MAML2: variants seen among roughly 807,000 people sequenced by gnomAD.
The protein encoded by MAML2 is mastermind-like protein 2.
MAML2 carries 22 observed loss-of-function variants against 96.1 expected under a neutral mutation model. The observed-to-expected ratio is 0.23, with a 90% CI of 0.16 to 0.33. The LOEUF is 0.33. MAML2 is among the 10% of genes least tolerant of loss of function. The pLI is 1.00. For synonymous variants in MAML2, 561 were observed against 521.3 expected (o/e 1.08, Z -1.04); for missense variants, 1,367 against 1,392.4 (o/e 0.98, Z 0.29).
intron 1 of MAML2, among the ~76,000 whole-genome samples, chr11:96,110,567 C>A (rs929598636): frequency 6.6e-5 from 10 of 152,320 alleles, no homozygotes; most frequent in African/African-American, 2.4e-4. Context: ...CCGTATGCAT[C>A]TGAAGCAGAA....
intron 1 of MAML2, among the ~76,000 whole-genome samples, chr11:96,254,488 T>C (rs1381219835): frequency 6.6e-6 from 1 of 151,956 alleles, no homozygotes; most frequent in Non-Finnish European, 1.5e-5. Flanking sequence ...GGATCTTTTT[T>C]ACCTATTCTT....
At chr11:96,154,064 A>T (rs1263212425) in intron 1 of MAML2, among the ~76,000 whole-genome samples, 1 of 152,188 alleles carries the variant, frequency 6.6e-6, no homozygotes, top group African/African-American at 2.4e-5. Context: ...TCTCACTATG[A>T]TTTTCTTTGA....
chr11:96,160,674 T>C (rs1187917292), intron 1 of MAML2, among the ~76,000 whole-genome samples: 2 of 152,166 alleles, frequency 1.3e-5, no homozygotes, highest in African/African-American at 4.8e-5. Flanking sequence ...GTGATCCGCC[T>C]GCCTCTGCTT....
chr11:96,034,245 A>C (rs1858663756), intron 2 of MAML2, among the ~76,000 whole-genome samples: 1 of 152,220 alleles, frequency 6.6e-6, no homozygotes, highest in South Asian at 2.1e-4. Context: ...AAAGATATAT[A>C]ATAACATAAT....
intron 1 of MAML2, among the ~76,000 whole-genome samples, chr11:96,169,872 C>T (rs1458949489): frequency 6.6e-6 from 1 of 152,208 alleles, no homozygotes; most frequent in Non-Finnish European, 1.5e-5. Flanking sequence ...CCAGGTTGGT[C>T]TCAATCTTTT....
intron 1 of MAML2, among the ~76,000 whole-genome samples, chr11:96,104,337 T>A (rs1466049925): frequency 6.6e-6 from 1 of 152,236 alleles, no homozygotes; most frequent in Non-Finnish European, 1.5e-5. Flanking sequence ...GATGCCGAAG[T>A]ACTTTCCGAT....
intron 1 of MAML2, among the ~76,000 whole-genome samples, chr11:96,163,956 G>A (rs374892604): frequency 8.7e-5 from 13 of 150,236 alleles, no homozygotes; most frequent in African/African-American, 3.2e-4. Flanking sequence ...TCTGCCTCCC[G>A]GGTTCAAGCG....
At chr11:96,259,878 G>A (rs1862723921) in intron 1 of MAML2, among the ~76,000 whole-genome samples, 1 of 151,182 alleles carries the variant, frequency 6.6e-6, no homozygotes, top group Non-Finnish European at 1.5e-5. Context: ...ATCTTTTTAT[G>A]GTTCAGTATA....
chr11:96,284,788 T>C (rs1365106242), intron 1 of MAML2, among the ~76,000 whole-genome samples: 3 of 152,236 alleles, frequency 2.0e-5, no homozygotes, highest in African/African-American at 7.2e-5. Flanking sequence ...TCTCCATAAA[T>C]ATTCCTCTCC....
At chr11:96,102,658 T>C (rs1371740039) in intron 1 of MAML2, among the ~76,000 whole-genome samples, 1 of 152,214 alleles carries the variant, frequency 6.6e-6, no homozygotes, top group Non-Finnish European at 1.5e-5. Context: ...GTCTACTACA[T>C]TAAACAATAT....
chr11:96,078,167 C>A (rs1453061218), intron 2 of MAML2, among the ~76,000 whole-genome samples: 1 of 152,214 alleles, frequency 6.6e-6, no homozygotes, highest in African/African-American at 2.4e-5. Context: ...TTACATTTCT[C>A]TCTTGTCCTG....
intron 3 of MAML2, among the ~76,000 whole-genome samples, chr11:95,986,199 TTTTGTTTGTTTG>T (rs368526623): frequency 6.6e-6 from 1 of 151,994 alleles, no homozygotes; most frequent in Non-Finnish European, 1.5e-5. Flanking sequence ...TCTTATTTGT[TTTTGTTTGTTTG>T]TTTGTTTGTT....
chr11:96,001,638 C>T (rs1446520499), intron 2 of MAML2, among the ~76,000 whole-genome samples: 1 of 152,060 alleles, frequency 6.6e-6, no homozygotes, highest in South Asian at 2.1e-4. Flanking sequence ...ACTCAACCCC[C>T]CCTCACTCCC....
At chr11:96,254,454 C>T (rs1862633674) in intron 1 of MAML2, among the ~76,000 whole-genome samples, 1 of 142,930 alleles carries the variant, frequency 7.0e-6, no homozygotes, top group Non-Finnish European at 1.5e-5. Context: ...GCTAGTAGTT[C>T]AAGTAAGTGA....
At chr11:96,188,859 T>C (rs933667791) in intron 1 of MAML2, among the ~76,000 whole-genome samples, 1 of 152,086 alleles carries the variant, frequency 6.6e-6, no homozygotes, top group African/African-American at 2.4e-5. Context: ...GGCAGCATTC[T>C]ATGGGGCTGG....
At chr11:96,302,976 G>A (rs1233556725) in intron 1 of MAML2, among the ~76,000 whole-genome samples, 2 of 152,044 alleles carry the variant, frequency 1.3e-5, no homozygotes, top group African/African-American at 4.8e-5. Flanking sequence ...ACTTTATTTT[G>A]GATTCTTTCC....
At chr11:96,335,739 A>T (rs1863912842) in intron 1 of MAML2, among the ~76,000 whole-genome samples, 1 of 152,180 alleles carries the variant, frequency 6.6e-6, no homozygotes, top group Non-Finnish European at 1.5e-5. Context: ...ACCATTTTCC[A>T]GGGCTTCTGA....
intron 1 of MAML2, among the ~76,000 whole-genome samples, chr11:96,252,540 C>T (rs995416755): frequency 2.0e-5 from 3 of 151,514 alleles, no homozygotes; most frequent in African/African-American, 7.3e-5. Flanking sequence ...ATTCTCCTGC[C>T]TCAGCCTCCC....
intron 2 of MAML2, among the ~76,000 whole-genome samples, chr11:96,012,740 A>G (rs1858285722): frequency 6.6e-6 from 1 of 152,228 alleles, no homozygotes; most frequent in African/African-American, 2.4e-5. Flanking sequence ...AGTTGCTATA[A>G]TTTAGTTGTG....
Sources: allele counts gnomAD v4.1 joint callset (sites outside exome capture counted in the v4.1 genomes callset), GRCh38; gene constraint gnomAD v4.1.1; transcripts MANE v1.5; gene names NCBI Gene and HGNC (gene_info 2026-07-23, HGNC 2026-07-21).